The following NECTIN3 variants were observed in gnomAD, a reference collection of about 807,000 sequenced individuals.
NECTIN3 encodes the protein nectin-3.
In NECTIN3, 8 loss-of-function variants were observed where a neutral mutation model predicts 49.4. The observed-to-expected ratio is 0.16, with a 90% CI of 0.10 to 0.29. The LOEUF (loss-of-function observed/expected upper bound fraction) is 0.29, where lower values mean the gene tolerates loss of function less well. NECTIN3 is among the 10% of genes least tolerant of loss of function. The pLI is 1.00. For synonymous variants in NECTIN3, 277 were observed against 241.1 expected (o/e 1.15, Z -1.38); for missense variants, 581 against 654.6 (o/e 0.89, Z 1.23).
intron 1 of NECTIN3, chr3:111,073,556 A>T (rs2030956323): frequency 6.6e-6 from 1 of 152,350 alleles, no homozygotes; most frequent in Admixed American, 6.5e-5. Flanking sequence ...CTTGGTTCCA[A>T]GACAAAGTTC....
chr3:111,083,540 A>T (rs1304895598), intron 1 of NECTIN3, among the ~76,000 whole-genome samples: 3 of 152,152 alleles, frequency 2.0e-5, no homozygotes, highest in Non-Finnish European at 4.4e-5. Context: ...GTCACCAGGA[A>T]CCTGATAATG....
At chr3:111,081,730 G>C (rs533411400) in intron 1 of NECTIN3, among the ~76,000 whole-genome samples, 1 of 152,318 alleles carries the variant, frequency 6.6e-6, no homozygotes, top group African/African-American at 2.4e-5. Context: ...ATTTCTGTTT[G>C]TGAGGGAAAG....
chr3:111,167,694 GGTGAGT>G (rs2035345645), intron 7 of NECTIN3, among the ~76,000 whole-genome samples: 1 of 152,082 alleles, frequency 6.6e-6, no homozygotes, highest in Non-Finnish European at 1.5e-5. Flanking sequence ...AACCTTTGGA[GGTGAGT>G]GGTCTCCTTT....
At chr3:111,187,489 T>TA (rs1371551833), upstream of NECTIN3, among the ~76,000 whole-genome samples, 1 of 152,202 alleles carries the variant, frequency 6.6e-6, no homozygotes, top group Non-Finnish European at 1.5e-5. Context: ...TGTGAAAACT[T>TA]ATGTTCATAC....
chr3:111,135,483 T>A lies in NECTIN3; in HGVS notation c.*1268T>A, dbSNP rs2034546060. The A allele has an allele frequency of 7.2e-6, 7 of 969,474 alleles. No homozygotes were observed. The South Asian group carries it at 1.9e-4, about 26-fold the overall frequency. The allele number at this position is 969,474 out of a possible 1,614,324, so 60.1% of individuals were successfully genotyped here. A position where few individuals can be genotyped will look rare whatever the true frequency, so the allele number is the denominator to read the frequency against. On this transcript the variant is annotated 3_prime_UTR_variant, in exon 6 of 6. Transcript: ENST00000485303. ...ACCTAAACTTCAAATGTGCTTTTTG[T>A]TTGTGAGGTAATTAAATTGCTTCTA...
rs2034522023 is a variant in NECTIN3 at position 111,134,855 on chromosome 3, CTG to C, written c.*643_*644del. 1 of 982,356 alleles carries C rather than the reference CTG, an allele frequency of 1.0e-6. No individual in the cohort carries two copies. The highest frequency in any genetic ancestry group is 4.7e-5 in the South Asian group (1 of 21,226). The allele number at this position is 982,356 out of a possible 1,614,324, so 60.9% of individuals were successfully genotyped here. A position where few individuals can be genotyped will look rare whatever the true frequency, so the allele number is the denominator to read the frequency against. On this transcript the variant is annotated 3_prime_UTR_variant, in exon 6 of 6. Coordinates refer to ENST00000485303, the MANE Select transcript of NECTIN3 (RefSeq NM_015480.3). ...TCAAAGATATTTTGTTGCACTAAAACTGTGGTAGTAAACTCAGTGAACATGAT... is the reference window on the plus strand; with the variant it reads ...TCAAAGATATTTTGTTGCACTAAAACTGGTAGTAAACTCAGTGAACATGAT...
intron 1 of NECTIN3, among the ~76,000 whole-genome samples, chr3:111,105,816 T>C (rs986494160): frequency 3.3e-5 from 5 of 152,186 alleles, no homozygotes; most frequent in Admixed American, 6.5e-5. Context: ...GATCAGAACT[T>C]TGTTGCCTGT....
intron 7 of NECTIN3, among the ~76,000 whole-genome samples, chr3:111,155,047 C>T (rs1012635929): frequency 6.6e-6 from 1 of 152,244 alleles, no homozygotes; most frequent in East Asian, 1.9e-4. Context: ...AAGCGATTCT[C>T]CTGCCTCAGC....
intron 7 of NECTIN3, among the ~76,000 whole-genome samples, chr3:111,150,871 T>G (rs2034987193): frequency 6.6e-6 from 1 of 151,990 alleles, no homozygotes; most frequent in African/African-American, 2.4e-5. Context: ...GGTTTCCTAT[T>G]CTTTTTAAAT....
intron 2 of NECTIN3, among the ~76,000 whole-genome samples, chr3:111,116,927 A>T (rs1052800185): frequency 6.6e-6 from 1 of 152,046 alleles, no homozygotes; most frequent in African/African-American, 2.4e-5. Flanking sequence ...TACTGTGGAA[A>T]GGTTTTTGAA....
In NECTIN3 at chr3:111,111,899, A is replaced by ATGTGTGTG. The variant is rs10581136; in HGVS notation, c.161-103_161-96dup. 8 of 581,262 alleles carry ATGTGTGTG rather than the reference A, an allele frequency of 1.4e-5. No homozygotes were observed. In the African/African-American group the frequency reaches 1.5e-4, roughly 11 times the overall value. 36.0% of individuals were successfully genotyped at this position (581,262 alleles called of 1,614,324 possible). Reference sequence around the variant, plus strand: ...TGTGAGTGCATGTGTGTGTGTGTGCATGTGTGTGTGTGTGTGTGTGTGTGT... The same window carrying ATGTGTGTG: ...TGTGAGTGCATGTGTGTGTGTGTGCATGTGTGTGTGTGTGTGTGTGTGTGTGTGTGTGT... On this transcript the variant is annotated intron_variant, in intron 1 of 5. Coordinates refer to ENST00000485303, the MANE Select transcript of NECTIN3 (RefSeq NM_015480.3).
intron 3 of NECTIN3, 106 bp from the exon 4 acceptor site, chr3:111,122,015 G>T (rs1421703736): frequency 2.7e-6 from 2 of 750,104 alleles, no homozygotes; most frequent in Non-Finnish European, 4.4e-6. Flanking sequence ...AGGAAAAATG[G>T]TTCCTGTTAT....
chr3:111,079,078 AC>A (rs1248987287), intron 1 of NECTIN3, among the ~76,000 whole-genome samples: 1 of 151,918 alleles, frequency 6.6e-6, no homozygotes, highest in Non-Finnish European at 1.5e-5. Flanking sequence ...AGTGTGCTTG[AC>A]TCTTCTGTTG....
intron 1 of NECTIN3, among the ~76,000 whole-genome samples, chr3:111,108,966 C>G (rs1047573884): frequency 5.9e-5 from 9 of 152,144 alleles, no homozygotes; most frequent in African/African-American, 2.2e-4. Flanking sequence ...TAACAAAATA[C>G]TGTAAACTGG....
chr3:111,122,122 T>A lies in NECTIN3; in HGVS notation c.801T>A (p.Tyr267Ter). ...IRYSFILDIQ[Y>*]APEVSVTGYD... Reference sequence around the variant, plus strand: ...TCCTGTCATGCATTTATTTTATAGATGCTCCTGAAGTTTCGGTAACAGGAT... The same window carrying A: ...TCCTGTCATGCATTTATTTTATAGAAGCTCCTGAAGTTTCGGTAACAGGAT... The change falls in exon 4 of 6, where the codon TAT becomes TAA. Residue 267 changes from tyrosine to a stop codon, truncating the protein, a stop_gained and splice_region_variant. Transcript: ENST00000485303. LOFTEE classifies it high-confidence loss of function. 6.3e-7 allele frequency: 1 copy of A among 1,594,198 alleles called. No homozygotes were observed. The highest frequency in any genetic ancestry group is 8.6e-7 in the Non-Finnish European group (1 of 1,162,292).
At chr3:111,164,649 G>C (rs2107522507) in intron 7 of NECTIN3, among the ~76,000 whole-genome samples, 1 of 152,306 alleles carries the variant, frequency 6.6e-6, no homozygotes, top group East Asian at 1.9e-4. Context: ...TGGTTGCTGG[G>C]AATCCTTGGC....
At chr3:111,125,031 T>C (rs2034106981) in intron 4 of NECTIN3, among the ~76,000 whole-genome samples, 1 of 138,874 alleles carries the variant, frequency 7.2e-6, no homozygotes, top group Non-Finnish European at 1.6e-5. Flanking sequence ...TCTTTTTTTT[T>C]TTTTTTTTTT....
rs935543116 is a variant in NECTIN3, at chr3:111,104,313, C to CTTT, written c.161-7696_161-7694dup. Among the ~76,000 whole-genome samples, 263 of 89,194 alleles carry CTTT rather than the reference C, an allele frequency of 2.9e-3. 3 individuals are homozygous for CTTT. The highest frequency in any genetic ancestry group is 0.01 in the East Asian group (23 of 2,244). The allele number at this position is 89,194 out of a possible 152,430, so 58.5% of individuals were successfully genotyped here. ...TATCTTTGGTGATGTCTGTTCAGAT[C>CTTT]TTTTTTTTTTTTTTTTTTTTTTTGA... On this transcript the variant is annotated intron_variant, in intron 1 of 5. Coordinates refer to ENST00000485303, the MANE Select transcript of NECTIN3 (RefSeq NM_015480.3).
In NECTIN3 at chr3:111,094,955, C is replaced by CT. The variant is rs956295922; in HGVS notation, c.161-17067dup. On this transcript the variant is annotated intron_variant, in intron 1 of 5. Transcript: ENST00000485303. ...GTTAAGGGCTAATTTTGCAGGAAGT[C>CT]TTTTTTTTCAAGGATAGCAGTTATG... 3.0e-4 allele frequency among the ~76,000 whole-genome samples: 46 copies of CT among 152,084 alleles called. No homozygotes were observed. The South Asian group carries it at 3.5e-3, about 12-fold the overall frequency.
Sources: gnomAD v4.1 joint callset for allele counts (sites outside exome capture counted in the v4.1 genomes callset) on GRCh38, gnomAD v4.1.1 for gene constraint, MANE v1.5 for transcripts, NCBI Gene and HGNC (gene_info 2026-07-23, HGNC 2026-07-21) for gene names.